LRP1B: variants seen among roughly 807,000 people sequenced by gnomAD.
LRP1B encodes LDL receptor related protein 1B.
LRP1B carries 217 observed loss-of-function variants against 556.6 expected under a neutral mutation model. The observed-to-expected ratio is 0.39, with a 90% CI of 0.35 to 0.44. The LOEUF is 0.44. Ranked by LOEUF, LRP1B falls within the 20% of genes least tolerant of loss-of-function variation. LRP1B has a pLI of 1.00. For missense variants in LRP1B, 5,053 were observed against 5,620.8 expected, an observed-to-expected ratio of 0.90 and a Z score of 3.23; for synonymous variants, 2,047 against 1,865.8, an observed-to-expected ratio of 1.10 and a Z score of -2.50.
chr2:141,888,416 A>G lies in LRP1B; in HGVS notation c.83-78015T>C, dbSNP rs75804724. ...AGCCTTAAGCAGCACATCAGCACAA[A>G]TACCATGCAGCAGTTTTCAACTCCA... is the stretch of plus-strand genomic sequence containing the variant. On this transcript the variant is annotated intron_variant, in intron 1 of 90. Transcript: ENST00000389484. Among the ~76,000 whole-genome samples the G allele has an allele frequency of 4.6e-3, 700 of 152,244 alleles. 7 individuals are homozygous for G. The highest frequency in any genetic ancestry group is 0.016 in the African/African-American group (665 of 41,556).
chr2:140,381,782 C>A (rs989799822), intron 67 of LRP1B, among the ~76,000 whole-genome samples: 1 of 148,452 alleles, frequency 6.7e-6, no homozygotes, highest in Non-Finnish European at 1.5e-5. Context: ...GAATCACTTG[C>A]ACCCAAGAGA....
chr2:141,531,047 T>C (rs1050721457), intron 2 of LRP1B, among the ~76,000 whole-genome samples: 10 of 151,830 alleles, frequency 6.6e-5, no homozygotes, highest in African/African-American at 1.9e-4. Flanking sequence ...AAAATAATAA[T>C]TTAGTTAAGC....
rs542672969 is a variant in LRP1B at position 141,026,361 on chromosome 2, G to T, written c.1790-6259C>A. Among the ~76,000 whole-genome samples, 6 of 152,080 alleles carry T rather than the reference G, an allele frequency of 3.9e-5. No homozygotes were observed. In the South Asian group the frequency reaches 1.0e-3, roughly 26 times the overall value. On this transcript the variant is annotated intron_variant, in intron 11 of 90. Coordinates refer to ENST00000389484, the MANE Select transcript of LRP1B (RefSeq NM_018557.3). ...TGGTCCCTTAAACATTCAAAAAGTT[G>T]CATCAACTGATAATGTTTACTGAAC...
At chr2:140,999,883 T>A (rs1697363248) in intron 15 of LRP1B, among the ~76,000 whole-genome samples, 1 of 152,000 alleles carries the variant, frequency 6.6e-6, no homozygotes, top group African/African-American at 2.4e-5. Context: ...CATTCGTGCA[T>A]CTGGAGAAGG....
chr2:141,802,531 A>G (rs1696041122), intron 2 of LRP1B, among the ~76,000 whole-genome samples: 1 of 152,098 alleles, frequency 6.6e-6, no homozygotes, highest in South Asian at 2.1e-4. Context: ...AGCAATTAAT[A>G]AACTGATGAG....
At chr2:141,669,127 A>C (rs1690565587) in intron 2 of LRP1B, among the ~76,000 whole-genome samples, 1 of 151,048 alleles carries the variant, frequency 6.6e-6, no homozygotes, top group Admixed American at 6.6e-5. Flanking sequence ...GCTTTGAAGA[A>C]CCTCAGAATA....
At chr2:140,780,250 T>G (rs1197297961) in intron 32 of LRP1B, among the ~76,000 whole-genome samples, 1 of 152,176 alleles carries the variant, frequency 6.6e-6, no homozygotes, top group African/African-American at 2.4e-5. Context: ...GTTCTGTTAT[T>G]ATGTGTTTAT....
chr2:141,673,778 A>G (rs1690768292), intron 2 of LRP1B, among the ~76,000 whole-genome samples: 1 of 152,070 alleles, frequency 6.6e-6, no homozygotes, highest in Admixed American at 6.6e-5. Flanking sequence ...AGTGCCATAG[A>G]TCATTTCAAA....
intron 2 of LRP1B, among the ~76,000 whole-genome samples, chr2:141,544,858 G>A (rs1382416027): frequency 6.6e-6 from 1 of 151,660 alleles, no homozygotes; most frequent in Non-Finnish European, 1.5e-5. Context: ...TAGAAGTGGT[G>A]TTTCACCATG....
intron 66 of LRP1B, among the ~76,000 whole-genome samples, chr2:140,406,369 A>C (rs1302422172): frequency 6.6e-6 from 1 of 152,038 alleles, no homozygotes. Flanking sequence ...AAAAGAAATA[A>C]AGGACATCTA....
intron 1 of LRP1B, among the ~76,000 whole-genome samples, chr2:141,823,853 A>C (rs1350877532): frequency 6.6e-6 from 1 of 151,966 alleles, no homozygotes; most frequent in Non-Finnish European, 1.5e-5. Flanking sequence ...TTTATTTTTT[A>C]AGTAGAGATG....
chr2:141,314,469 G>A (rs1686922876), intron 3 of LRP1B, among the ~76,000 whole-genome samples: 1 of 152,004 alleles, frequency 6.6e-6, no homozygotes, highest in Non-Finnish European at 1.5e-5. Flanking sequence ...TTCTTATAAA[G>A]CAACTAAACT....
At chr2:141,273,785 CAATT>C (rs1180952968) in intron 3 of LRP1B, among the ~76,000 whole-genome samples, 1 of 152,144 alleles carries the variant, frequency 6.6e-6, no homozygotes, top group African/African-American at 2.4e-5. Context: ...AGTGAATAAA[CAATT>C]CATACAATGC....
At chr2:141,704,973 T>A (rs1392953591) in intron 2 of LRP1B, among the ~76,000 whole-genome samples, 1 of 152,020 alleles carries the variant, frequency 6.6e-6, no homozygotes. Flanking sequence ...TTACTGGTTA[T>A]ATAGTAAAAG....
chr2:141,959,966 T>C (rs983114401), intron 1 of LRP1B, among the ~76,000 whole-genome samples: 1 of 151,876 alleles, frequency 6.6e-6, no homozygotes, highest in Non-Finnish European at 1.5e-5. Flanking sequence ...CTGCATAAAA[T>C]GTAGGAAAAA....
At chr2:141,401,867 C>T (rs1690463543) in intron 3 of LRP1B, among the ~76,000 whole-genome samples, 1 of 152,094 alleles carries the variant, frequency 6.6e-6, no homozygotes, top group Non-Finnish European at 1.5e-5. Flanking sequence ...TGGAAAATTT[C>T]CTATTCTAGA....
chr2:140,429,364 T>G (rs187203092), intron 66 of LRP1B, among the ~76,000 whole-genome samples: 1 of 152,184 alleles, frequency 6.6e-6, no homozygotes, highest in South Asian at 2.1e-4. Context: ...CCCTCCACAA[T>G]CCATTATTCT....
At chr2:141,336,114 CAAAAAAA>C (rs60102985) in intron 3 of LRP1B, among the ~76,000 whole-genome samples, 3 of 93,068 alleles carry the variant, frequency 3.2e-5, no homozygotes, top group Non-Finnish European at 4.1e-5. Context: ...CAGACCTGTC[CAAAAAAA>C]AAAAAAAAAA....
At chr2:141,638,896 C>CGT (rs143805584) in intron 2 of LRP1B, among the ~76,000 whole-genome samples, 43,172 of 57,570 alleles carry the variant, frequency 0.75, 18,450 homozygotes, top group Middle Eastern at 0.9. Context: ...TGTGTATGTG[C>CGT]GTGTGTGTGT....
Sources: allele counts gnomAD v4.1 joint callset (sites outside exome capture counted in the v4.1 genomes callset), GRCh38; gene constraint gnomAD v4.1.1; transcripts MANE v1.5; gene names NCBI Gene and HGNC (gene_info 2026-07-23, HGNC 2026-07-21).